Variants in NTRK1 observed in about 807,000 individuals in gnomAD.
The protein encoded by NTRK1 is high affinity nerve growth factor receptor.
Under a neutral mutation model 86.8 loss-of-function variants are expected in NTRK1, and 62 were observed. The ratio of observed to expected loss-of-function variants is 0.71; its 90% CI spans 0.58 to 0.88. NTRK1 has a LOEUF of 0.88. Ranked by LOEUF, NTRK1 falls within the 40% of genes least tolerant of loss-of-function variation. NTRK1 has a pLI of 0.00. For missense variants in NTRK1, 967 were observed against 1,078.4 expected (o/e 0.90, Z 1.45); for synonymous variants, 469 against 456.6 (o/e 1.03, Z -0.35).
intron 1 of NTRK1, among the ~76,000 whole-genome samples, chr1:156,834,116 ACACT>A (rs1423344458): frequency 1.3e-5 from 2 of 152,206 alleles, no homozygotes; most frequent in Non-Finnish European, 2.9e-5. Flanking sequence ...GGGACGCCTA[ACACT>A]CACACCATAG....
intron 2 of NTRK1, chr1:156,848,999 C>T (rs761584675): frequency 1.9e-6 from 3 of 1,612,694 alleles, no homozygotes; most frequent in Non-Finnish European, 8.5e-7. Context: ...TAGCAGGATG[C>T]GGTCTGCCTC....
intron 1 of NTRK1, among the ~76,000 whole-genome samples, chr1:156,824,971 C>A: frequency 6.6e-6 from 1 of 152,156 alleles, no homozygotes; most frequent in South Asian, 2.1e-4. Context: ...CTCACTGCAA[C>A]CTCCGCCTCC....
chr1:156,816,159 C>T (rs948351720), intron 1 of NTRK1: 2 of 1,530,750 alleles, frequency 1.3e-6, no homozygotes, highest in Non-Finnish European at 1.8e-6. Flanking sequence ...CTGCCTCCCA[C>T]CCCTCCTCCC....
chr1:156,836,535 C>G (rs1654603210), intron 1 of NTRK1, among the ~76,000 whole-genome samples: 1 of 152,162 alleles, frequency 6.6e-6, no homozygotes, highest in African/African-American at 2.4e-5. Context: ...TGCCCTCTGT[C>G]CTTGAACCAG....
intron 2 of NTRK1, chr1:156,845,013 A>ACC: frequency 6.5e-7 from 1 of 1,547,842 alleles, no homozygotes; most frequent in Non-Finnish European, 8.8e-7. Flanking sequence ...CAAACCCCAA[A>ACC]CCTTTGCACA....
intron 2 of NTRK1, among the ~76,000 whole-genome samples, chr1:156,855,335 C>T (rs1268219924): frequency 6.6e-6 from 1 of 152,148 alleles, no homozygotes; most frequent in Non-Finnish European, 1.5e-5. Context: ...TCCCGAGTAG[C>T]TGGGATTACA....
chr1:156,871,540 C>T (rs1262887139), intron 6 of NTRK1, 83 bp from the exon 7 acceptor site: 1 of 1,508,208 alleles, frequency 6.6e-7, no homozygotes, highest in African/African-American at 1.4e-5. Flanking sequence ...CATCTGGAGC[C>T]AGAGGGGCTC....
At chr1:156,841,813 G>T (rs1462918334) in intron 1 of NTRK1, 1 of 1,614,108 alleles carries the variant, frequency 6.2e-7, no homozygotes, top group Non-Finnish European at 8.5e-7. Context: ...TGAGGGTGAG[G>T]GTGGAGGAGG....
chr1:156,817,471 A>G (rs1038477036), intron 1 of NTRK1, among the ~76,000 whole-genome samples: 8 of 151,756 alleles, frequency 5.3e-5, no homozygotes, highest in African/African-American at 1.9e-4. Flanking sequence ...TCTATAAGAC[A>G]AGGGGTTAGA....
chr1:156,845,200 T>A (rs777638206), intron 2 of NTRK1: 1 of 1,609,518 alleles, frequency 6.2e-7, no homozygotes, highest in Non-Finnish European at 8.5e-7. Context: ...TCAGCACCGC[T>A]CGCTCACGGG....
rs193162681 is a variant in NTRK1 at position 156,876,686 on chromosome 1, T to G, written c.1805+114T>G. 3 of 1,326,572 alleles carry G rather than the reference T, an allele frequency of 2.3e-6. No homozygotes were observed. In the East Asian group the frequency reaches 7.6e-5, roughly 33 times the overall value. 82.2% of individuals were successfully genotyped at this position (1,326,572 alleles called of 1,614,324 possible). A position where few individuals can be genotyped will look rare whatever the true frequency, so the allele number is the denominator to read the frequency against. On this transcript the variant is annotated intron_variant, in intron 14 of 16. Coordinates refer to ENST00000524377, the MANE Select transcript of NTRK1 (RefSeq NM_002529.4). ...AACCAAGGGGAGACACCAAGAAAGA[T>G]CAGGAAGGCACATTCCCGTCCCCAG...
chr1:156,860,746 G>T, upstream of NTRK1: 2 of 1,118,768 alleles, frequency 1.8e-6, no homozygotes, highest in South Asian at 2.3e-5. Flanking sequence ...GCAGAGGGGG[G>T]GGCGTCAGAG....
intron 6 of NTRK1, among the ~76,000 whole-genome samples, chr1:156,869,675 C>A (rs1001109226): frequency 7.9e-5 from 12 of 152,180 alleles, no homozygotes; most frequent in African/African-American, 2.9e-4. Flanking sequence ...TCCTGCCTGC[C>A]CCTGGGCGTT....
Position 156,854,208 on chromosome 1 carries a change from A to C in NTRK1, c.51-10146A>C. 1 of 1,614,056 alleles carries C rather than the reference A, an allele frequency of 6.2e-7. No individual in the cohort carries two copies. Among genetic ancestry groups the C allele is most frequent in the Non-Finnish European group, 8.5e-7 (1 of 1,180,034 alleles). On this transcript the variant is annotated intron_variant, in intron 2 of 16. Transcript: ENST00000392302. The surrounding 1 kb of genome is among the most constrained non-coding windows in gnomAD (Gnocchi z 4.2). ...CGGAAGTCCTCCCCGGTGGCTGTGA[A>C]CATGAGCAGGATCTGCAGGTGGCCC...
At chr1:156,817,047 T>TCTCTCTCTCTCTCTCTCTCTC (rs1654008835) in intron 1 of NTRK1, among the ~76,000 whole-genome samples, 27 of 113,846 alleles carry the variant, frequency 2.4e-4, no homozygotes, top group Non-Finnish European at 3.3e-4. Flanking sequence ...GAACTTCCCT[T>TCTCTCTCTCTCTCTCTCTCTC]TCTCTCTCTC....
At chr1:156,845,606 G>C (rs1654968798) in intron 2 of NTRK1, 2 of 1,539,418 alleles carry the variant, frequency 1.3e-6, no homozygotes, top group South Asian at 1.1e-5. Flanking sequence ...CAGGCCGCGC[G>C]CGCTCTTCGC....
At chr1:156,816,064 C>G in intron 1 of NTRK1, 1 of 1,614,022 alleles carries the variant, frequency 6.2e-7, no homozygotes, top group Non-Finnish European at 8.5e-7. Context: ...CTGGAAGGTG[C>G]TGAAGGTTGG....
chr1:156,827,109 ATCTC>A (rs892166946), intron 1 of NTRK1, among the ~76,000 whole-genome samples: 4 of 151,010 alleles, frequency 2.6e-5, no homozygotes, highest in Admixed American at 2.0e-4. Context: ...TTGAGACAGG[ATCTC>A]TCTCTGTCAC....
In NTRK1 at chr1:156,845,224, C is replaced by T. The variant is rs56127838; in HGVS notation, c.50+3031C>T. 5,826 of 1,610,012 alleles carry T rather than the reference C, an allele frequency of 3.6e-3. 234 individuals are homozygous for T. In the African/African-American group the frequency reaches 0.07, roughly 19 times the overall value. ...CTCGCTCACGGGGCACCTTGTCCTCCTGGATCTCGAAATCCGAGCTGTTGC... is the reference window on the plus strand; with the variant it reads ...CTCGCTCACGGGGCACCTTGTCCTCTTGGATCTCGAAATCCGAGCTGTTGC... On this transcript the variant is annotated intron_variant, in intron 2 of 16. Transcript: ENST00000392302.
Sources: gnomAD v4.1 joint callset for allele counts (sites outside exome capture counted in the v4.1 genomes callset) on GRCh38, gnomAD v4.1.1 for gene constraint, Gnocchi (gnomAD v3.1) non-coding constraint, MANE v1.5 for transcripts, NCBI Gene and HGNC (gene_info 2026-07-23, HGNC 2026-07-21) for gene names.